LPAR1: variants seen among roughly 807,000 people sequenced by gnomAD.
LPAR1 encodes lysophosphatidic acid receptor 1.
LPAR1 carries 5 observed loss-of-function variants against 23.8 expected under a neutral mutation model. The ratio of observed to expected loss-of-function variants is 0.21; its 90% confidence interval spans 0.11 to 0.44. LPAR1 has a LOEUF of 0.44. Ranked by LOEUF, LPAR1 falls within the 20% of genes least tolerant of loss-of-function variation. LPAR1 has a pLI of 0.99. For synonymous variants in LPAR1, 160 were observed against 164.7 expected, an observed-to-expected ratio of 0.97 and a Z score of 0.22; for missense variants, 311 against 482.8, an observed-to-expected ratio of 0.64 and a Z score of 3.33.
At chr9:111,009,998 AATATATATATATATATATATAT>A (rs55696642) in intron 2 of LPAR1, among the ~76,000 whole-genome samples, 16,039 of 123,362 alleles carry the variant, frequency 0.13, 1,406 homozygotes, top group East Asian at 0.29. Flanking sequence ...TAATTAGGAA[AATATATATATATATATATATAT>A]ATATATATAT....
chr9:110,917,852 T>A (rs1294399981), intron 5 of LPAR1, among the ~76,000 whole-genome samples: 4 of 152,228 alleles, frequency 2.6e-5, no homozygotes, highest in Admixed American at 6.5e-5. Flanking sequence ...TTTTTCTTGC[T>A]TATTTTAAAC....
intron 5 of LPAR1, among the ~76,000 whole-genome samples, chr9:110,917,183 CAAA>C (rs72090804): frequency 8.1e-6 from 1 of 122,828 alleles, no homozygotes; most frequent in African/African-American, 2.9e-5. Flanking sequence ...ACTAAAAATA[CAAA>C]AAAAAAAAAA....
chr9:110,930,594 A>G lies in LPAR1; in HGVS notation c.793+10827T>C, dbSNP rs564476978. On this transcript the variant is annotated intron_variant, in intron 5 of 5. Coordinates refer to ENST00000683809, the MANE Select transcript of LPAR1 (RefSeq NM_001351411.2). Reference sequence around the variant, plus strand: ...TTCAAAACCCATTTACTTCATAACCAGTTTGATGATGTCAAATTGCTATCT... The same window carrying G: ...TTCAAAACCCATTTACTTCATAACCGGTTTGATGATGTCAAATTGCTATCT... 1.6e-4 allele frequency among the ~76,000 whole-genome samples: 25 copies of G among 152,234 alleles called. No individual in the cohort carries two copies. In the South Asian group the frequency reaches 3.5e-3, roughly 22 times the overall value.
chr9:110,991,501 T>C (rs1189811575), intron 2 of LPAR1, among the ~76,000 whole-genome samples: 2 of 152,224 alleles, frequency 1.3e-5, no homozygotes, highest in African/African-American at 2.4e-5. Flanking sequence ...GATGTGATTT[T>C]ATATGCACTG....
chr9:111,025,278 T>C (rs2097667931), intron 2 of LPAR1, among the ~76,000 whole-genome samples: 1 of 152,236 alleles, frequency 6.6e-6, no homozygotes, highest in South Asian at 2.1e-4. Flanking sequence ...TGTGGTTTGA[T>C]TTGTATTTCT....
At chr9:111,034,052 GATA>G (rs2097849752) in intron 2 of LPAR1, among the ~76,000 whole-genome samples, 1 of 152,208 alleles carries the variant, frequency 6.6e-6, no homozygotes, top group Middle Eastern at 3.2e-3. Context: ...ACAGAGTGAA[GATA>G]ATGAGTTAAA....
chr9:110,960,193 G>A (rs1475320024), intron 4 of LPAR1, among the ~76,000 whole-genome samples: 1 of 152,102 alleles, frequency 6.6e-6, no homozygotes, highest in Non-Finnish European at 1.5e-5. Flanking sequence ...AGGAACACAT[G>A]GATGTGTTCC....
intron 2 of LPAR1, among the ~76,000 whole-genome samples, chr9:111,007,408 T>C (rs2097241156): frequency 6.6e-6 from 1 of 152,172 alleles, no homozygotes; most frequent in Non-Finnish European, 1.5e-5. Context: ...AAATTATATG[T>C]ATTAAATATA....
chr9:110,927,980 GATTTAAAT>G (rs2094158848), intron 5 of LPAR1, among the ~76,000 whole-genome samples: 1 of 152,016 alleles, frequency 6.6e-6, no homozygotes, highest in Non-Finnish European at 1.5e-5. Flanking sequence ...CTGTAATTCT[GATTTAAAT>G]ATCCATATTT....
chr9:110,985,485 T>C (rs1049258273), intron 2 of LPAR1, among the ~76,000 whole-genome samples: 42 of 152,254 alleles, frequency 2.8e-4, no homozygotes, highest in African/African-American at 9.4e-4. Flanking sequence ...TAGCCCATCC[T>C]GCGCACACTG....
At chr9:111,023,053 CAAAAAAAAAAAAA>C (rs35394780) in intron 2 of LPAR1, among the ~76,000 whole-genome samples, 1 of 56,698 alleles carries the variant, frequency 1.8e-5, no homozygotes, top group African/African-American at 7.1e-5. Flanking sequence ...TCCGTCTCAA[CAAAAAAAAAAAAA>C]AAAAAAAAAA....
intron 4 of LPAR1, among the ~76,000 whole-genome samples, chr9:110,965,281 G>T (rs187952001): frequency 1.6e-3 from 242 of 152,242 alleles, no homozygotes; most frequent in Non-Finnish European, 2.1e-3. Context: ...GAAATCACTT[G>T]GAGGGATCAA....
In LPAR1 at chr9:111,015,743, G is replaced by C. The variant is rs150714910; in HGVS notation, c.-182+20379C>G. 9.9e-3 allele frequency among the ~76,000 whole-genome samples: 1,504 copies of C among 152,050 alleles called. 28 individuals are homozygous for C. Among genetic ancestry groups the C allele is most frequent in the African/African-American group, 0.034 (1,407 of 41,452 alleles). On this transcript the variant is annotated intron_variant, in intron 2 of 5. Transcript: ENST00000683809. ...AAAAAATTATATAGGTCAGTGAAAT[G>C]GAGGAAAAATAAAGATGTTTTCATA...
At chr9:110,955,555 C>CA (rs1034917351) in intron 4 of LPAR1, among the ~76,000 whole-genome samples, 1 of 152,000 alleles carries the variant, frequency 6.6e-6, no homozygotes, top group Non-Finnish European at 1.5e-5. Context: ...ACACTTTACA[C>CA]AAAAATGGAC....
intron 2 of LPAR1, among the ~76,000 whole-genome samples, chr9:111,029,957 A>G (rs2097767414): frequency 6.7e-6 from 1 of 148,372 alleles, no homozygotes; most frequent in Non-Finnish European, 1.5e-5. Flanking sequence ...TGGAAGGCTG[A>G]GGCAAGAGAA....
At chr9:110,887,897 T>C (rs964619164) in intron 5 of LPAR1, among the ~76,000 whole-genome samples, 1 of 152,214 alleles carries the variant, frequency 6.6e-6, no homozygotes, top group African/African-American at 2.4e-5. Flanking sequence ...ACAATACAAT[T>C]ATGCATGTGC....
chr9:110,877,793 T>C (rs979632785), intron 5 of LPAR1, among the ~76,000 whole-genome samples: 7 of 152,208 alleles, frequency 4.6e-5, no homozygotes, highest in Non-Finnish European at 1.0e-4. Flanking sequence ...AATAGCTAGA[T>C]TTTAAATAAA....
intron 2 of LPAR1, among the ~76,000 whole-genome samples, chr9:110,981,479 A>G (rs1025573232): frequency 6.6e-6 from 1 of 152,048 alleles, no homozygotes; most frequent in African/African-American, 2.4e-5. Flanking sequence ...TACTGTGAAC[A>G]ATATAGTGAA....
intron 5 of LPAR1, among the ~76,000 whole-genome samples, chr9:110,935,245 G>A (rs1416182643): frequency 6.6e-6 from 1 of 152,092 alleles, no homozygotes; most frequent in Non-Finnish European, 1.5e-5. Context: ...CTTAGTGGAA[G>A]TCAGGAAACT....
Sources: gnomAD v4.1 joint callset for allele counts (sites outside exome capture counted in the v4.1 genomes callset) on GRCh38, gnomAD v4.1.1 for gene constraint, MANE v1.5 for transcripts, NCBI Gene and HGNC (gene_info 2026-07-23, HGNC 2026-07-21) for gene names.